ATG10: variants seen among roughly 807,000 people sequenced by gnomAD.
ATG10 encodes the protein autophagy related 10.
In ATG10, 30 loss-of-function variants were observed where a neutral mutation model predicts 32.1. That is an observed-to-expected ratio of 0.94 (90% CI 0.70 to 1.27). ATG10 has a LOEUF of 1.27. Ranked by LOEUF, ATG10 falls within the 50% of genes most tolerant of loss-of-function variation. The pLI, the probability that ATG10 is intolerant of heterozygous loss-of-function variation, is 0.00. For synonymous variants in ATG10, 87 were observed against 91.5 expected (o/e 0.95, Z 0.28); for missense variants, 233 against 262.3 (o/e 0.89, Z 0.77).
At chr5:82,148,383 T>C (rs1228134993) in intron 3 of ATG10, among the ~76,000 whole-genome samples, 1 of 152,184 alleles carries the variant, frequency 6.6e-6, no homozygotes, top group East Asian at 1.9e-4. Flanking sequence ...AGAGCACTTC[T>C]GTCTCAGGAG....
chr5:82,031,841 A>G (rs2063513203), intron 2 of ATG10, among the ~76,000 whole-genome samples: 1 of 152,240 alleles, frequency 6.6e-6, no homozygotes, highest in African/African-American at 2.4e-5. Flanking sequence ...AGTCAGTCAG[A>G]AGTCATGCTA....
intron 3 of ATG10, among the ~76,000 whole-genome samples, chr5:82,139,956 G>A (rs540527979): frequency 0.13 from 14,735 of 115,108 alleles, 740 homozygotes; most frequent in South Asian, 0.22. Context: ...TCAGCCCTCC[G>A]CCCGGCCAGC....
Position 82,244,596 on chromosome 5 carries a change from A to G in ATG10, c.454-7966A>G, listed in dbSNP as rs1746947923. On this transcript the variant is annotated intron_variant, in intron 5 of 7. Transcript: ENST00000282185. ...AAGGAATGTGCCCAGCGTGGAAGGC[A>G]AATTTGATCAGTCTGGAATATGAAA... is the stretch of plus-strand genomic sequence containing the variant. 3.3e-5 allele frequency among the ~76,000 whole-genome samples: 5 copies of G among 152,314 alleles called. No individual in the cohort carries two copies. The South Asian group carries it at 1.0e-3, about 32-fold the overall frequency.
chr5:82,009,360 A>C (rs1389409785), intron 2 of ATG10, among the ~76,000 whole-genome samples: 1 of 152,058 alleles, frequency 6.6e-6, no homozygotes, highest in Non-Finnish European at 1.5e-5. Flanking sequence ...TCTTTAACTC[A>C]GAAAGAGTTT....
chr5:82,242,850 C>G (rs938421405), intron 5 of ATG10: 7 of 450,362 alleles, frequency 1.6e-5, no homozygotes, highest in Non-Finnish European at 3.1e-5. Context: ...AGAATATTAT[C>G]CCAGAATGAA....
chr5:82,012,110 T>C (rs1762142283), intron 2 of ATG10, among the ~76,000 whole-genome samples: 1 of 152,232 alleles, frequency 6.6e-6, no homozygotes, highest in African/African-American at 2.4e-5. Context: ...CCTGTGGTCC[T>C]GGTAGAACCA....
chr5:82,214,188 A>G (rs1247733151), intron 5 of ATG10, among the ~76,000 whole-genome samples: 1 of 152,216 alleles, frequency 6.6e-6, no homozygotes, highest in African/African-American at 2.4e-5. Context: ...AATACTTAGA[A>G]TACATCATAA....
intron 3 of ATG10, among the ~76,000 whole-genome samples, chr5:82,152,768 A>G (rs944220908): frequency 6.6e-6 from 1 of 150,908 alleles, no homozygotes. Flanking sequence ...TCATATAGAA[A>G]TACATATTCA....
At chr5:82,223,888 G>A (rs932123435) in intron 5 of ATG10, among the ~76,000 whole-genome samples, 4 of 152,188 alleles carry the variant, frequency 2.6e-5, no homozygotes, top group African/African-American at 9.7e-5. Context: ...GGAAGGAAAT[G>A]AGGGAGTATT....
At chr5:82,224,508 A>C (rs997176901) in intron 5 of ATG10, among the ~76,000 whole-genome samples, 1 of 152,210 alleles carries the variant, frequency 6.6e-6, no homozygotes, top group Non-Finnish European at 1.5e-5. Context: ...AGTGGCATAA[A>C]ATTAGTAGTT....
At chr5:81,973,636 G>GT (rs2149647975) in intron 1 of ATG10, among the ~76,000 whole-genome samples, 1 of 152,288 alleles carries the variant, frequency 6.6e-6, no homozygotes, top group South Asian at 2.1e-4. Flanking sequence ...GCAAAAACAA[G>GT]TTTATGCTTC....
intron 3 of ATG10, among the ~76,000 whole-genome samples, chr5:82,092,830 A>C (rs1764936494): frequency 6.6e-6 from 1 of 152,198 alleles, no homozygotes. Flanking sequence ...GAATACAAAC[A>C]TGGTGAGGCA....
intron 3 of ATG10, among the ~76,000 whole-genome samples, chr5:82,138,203 C>T (rs1766849900): frequency 6.6e-6 from 1 of 152,208 alleles, no homozygotes; most frequent in Non-Finnish European, 1.5e-5. Context: ...ACTTGGCTCC[C>T]TGGCTTCAGC....
At chr5:82,135,184 T>A (rs1213681519) in intron 3 of ATG10, among the ~76,000 whole-genome samples, 1 of 152,164 alleles carries the variant, frequency 6.6e-6, no homozygotes, top group Non-Finnish European at 1.5e-5. Flanking sequence ...ATCTCCTGGA[T>A]TCATTGATTT....
chr5:82,198,180 A>G (rs1470497916), intron 5 of ATG10, among the ~76,000 whole-genome samples: 10 of 152,240 alleles, frequency 6.6e-5, no homozygotes, highest in Admixed American at 5.9e-4. Context: ...ACTAAATAAT[A>G]TTAGACTACA....
chr5:82,094,837 A>G (rs1211545329), intron 3 of ATG10, among the ~76,000 whole-genome samples: 1 of 152,130 alleles, frequency 6.6e-6, no homozygotes, highest in East Asian at 1.9e-4. Context: ...ATTGAAGTGG[A>G]TGTTTATTAA....
At chr5:82,178,082 A>G (rs545472421) in intron 4 of ATG10, among the ~76,000 whole-genome samples, 1 of 152,280 alleles carries the variant, frequency 6.6e-6, no homozygotes, top group South Asian at 2.1e-4. Context: ...TGAAAGATGC[A>G]TGGGTATGGC....
chr5:82,238,581 A>G (rs953553839), intron 5 of ATG10, among the ~76,000 whole-genome samples: 4 of 152,206 alleles, frequency 2.6e-5, no homozygotes, highest in Admixed American at 6.5e-5. Flanking sequence ...TGTAAATTCT[A>G]TGAGAACAAA....
chr5:82,253,685 A>C (rs1481908195), intron 7 of ATG10, among the ~76,000 whole-genome samples: 2 of 152,150 alleles, frequency 1.3e-5, no homozygotes, highest in Middle Eastern at 3.2e-3. Context: ...GAGCATTACC[A>C]CCTGAGCTCT....
Sources: allele counts gnomAD v4.1 joint callset (sites outside exome capture counted in the v4.1 genomes callset), GRCh38; gene constraint gnomAD v4.1.1; transcripts MANE v1.5; gene names NCBI Gene and HGNC (gene_info 2026-07-23, HGNC 2026-07-21).